The following KSR2 variants were observed in gnomAD, a reference collection of about 807,000 sequenced individuals.
KSR2 encodes kinase suppressor of ras 2.
Under a neutral mutation model 107.8 loss-of-function variants are expected in KSR2, and 25 were observed. The ratio of observed to expected loss-of-function variants is 0.23; its 90% CI spans 0.17 to 0.32. KSR2 has a LOEUF of 0.32. KSR2 is among the 10% of genes least tolerant of loss of function. The probability of loss-of-function intolerance (pLI) is 1.00; values close to 1 mark genes in which losing one functional copy is unlikely to be tolerated. For missense variants in KSR2, 887 were observed against 1,268.9 expected (o/e 0.70, Z 4.57); for synonymous variants, 480 against 507.0 (o/e 0.95, Z 0.71).
At chr12:117,857,539 A>T (rs1893143254) in intron 2 of KSR2, among the ~76,000 whole-genome samples, 2 of 152,226 alleles carry the variant, frequency 1.3e-5, no homozygotes, top group African/African-American at 4.8e-5. Flanking sequence ...ACATTTTTAT[A>T]ACATCAAAAA....
intron 4 of KSR2, among the ~76,000 whole-genome samples, chr12:117,687,472 G>A (rs1885620990): frequency 6.6e-6 from 1 of 152,096 alleles, no homozygotes; most frequent in African/African-American, 2.4e-5. Context: ...AACTTGTTAG[G>A]GTAGAAAATT....
chr12:117,812,551 A>G (rs189851288), intron 3 of KSR2, among the ~76,000 whole-genome samples: 123 of 152,280 alleles, frequency 8.1e-4, no homozygotes, highest in Non-Finnish European at 1.2e-3. Context: ...TCAGATAGTA[A>G]ATGGTCCTGT....
chr12:117,784,072 T>G (rs932506213), intron 3 of KSR2, among the ~76,000 whole-genome samples: 1 of 152,210 alleles, frequency 6.6e-6, no homozygotes, highest in African/African-American at 2.4e-5. Context: ...TACGGATTCA[T>G]GGGTACATGT....
chr12:117,901,118 G>T (rs1293735777), intron 1 of KSR2, among the ~76,000 whole-genome samples: 1 of 152,120 alleles, frequency 6.6e-6, no homozygotes, highest in African/African-American at 2.4e-5. Context: ...GTCATGGAAG[G>T]AGAGGAACCA....
chr12:117,612,397 C>T (rs1229264887), intron 5 of KSR2, among the ~76,000 whole-genome samples: 5 of 147,756 alleles, frequency 3.4e-5, no homozygotes, highest in Non-Finnish European at 7.4e-5. Context: ...AGCAAGTCTC[C>T]GTCTCAAAAA....
At chr12:117,657,252 C>A (rs59064177) in intron 5 of KSR2, among the ~76,000 whole-genome samples, 5,806 of 151,722 alleles carry the variant, frequency 0.038, 248 homozygotes, top group East Asian at 0.23. Context: ...ACTGCTGGGG[C>A]CATCTTGTCA....
intron 14 of KSR2, among the ~76,000 whole-genome samples, chr12:117,519,349 C>T (rs1019082014): frequency 3.3e-4 from 50 of 152,158 alleles, no homozygotes; most frequent in African/African-American, 1.2e-3. Context: ...AGCAGCAGGT[C>T]TCACAATTGA....
intron 5 of KSR2, among the ~76,000 whole-genome samples, chr12:117,656,563 A>G (rs6490142): frequency 0.91 from 139,026 of 152,252 alleles, 63,683 homozygotes; most frequent in East Asian, 0.99. Flanking sequence ...GTGGTTAGCC[A>G]AGATCGTGCC....
At chr12:117,613,205 T>C (rs1881700050) in intron 5 of KSR2, among the ~76,000 whole-genome samples, 1 of 152,250 alleles carries the variant, frequency 6.6e-6, no homozygotes, top group Non-Finnish European at 1.5e-5. Flanking sequence ...GGGCTGTAAT[T>C]CCACGTAACC....
intron 3 of KSR2, among the ~76,000 whole-genome samples, chr12:117,804,366 A>G (rs1160437964): frequency 6.6e-6 from 1 of 152,138 alleles, no homozygotes; most frequent in Non-Finnish European, 1.5e-5. Flanking sequence ...ACCTGATTTC[A>G]CACTACAATG....
At chr12:117,661,246 C>T (rs1426153073) in intron 5 of KSR2, among the ~76,000 whole-genome samples, 2 of 149,816 alleles carry the variant, frequency 1.3e-5, no homozygotes, top group African/African-American at 4.9e-5. Flanking sequence ...AATATGTGAC[C>T]TCAGATTCGA....
chr12:117,605,304 A>C (rs1881165461), intron 5 of KSR2, among the ~76,000 whole-genome samples: 1 of 152,214 alleles, frequency 6.6e-6, no homozygotes, highest in African/African-American at 2.4e-5. Flanking sequence ...AGGCTCCTCC[A>C]ATGTTGCTGC....
At chr12:117,526,739 C>T (rs1241344575) in intron 13 of KSR2, among the ~76,000 whole-genome samples, 1 of 152,212 alleles carries the variant, frequency 6.6e-6, no homozygotes, top group Non-Finnish European at 1.5e-5. Flanking sequence ...AGGCCCCCAC[C>T]TCTTCCCACA....
intron 5 of KSR2, among the ~76,000 whole-genome samples, chr12:117,615,247 AC>A (rs1881810273): frequency 1.3e-5 from 1 of 76,956 alleles, no homozygotes; most frequent in South Asian, 4.0e-4. Flanking sequence ...ACACACACAC[AC>A]ACACACACAT....
chr12:117,459,362 G>A lies in KSR2; in HGVS notation c.*7837C>T, dbSNP rs1197562534. ...GCCTCAGATCCTGCTTCTGTGAAAG[G>A]AGAAGAGTGAGATAAGGGAGGGTCA... On this transcript the variant is annotated 3_prime_UTR_variant, in exon 20 of 20. Transcript: ENST00000339824. 2 of 152,044 alleles carry A rather than the reference G, an allele frequency of 1.3e-5. No homozygotes were observed. The highest frequency in any genetic ancestry group is 2.9e-5 in the Non-Finnish European group (2 of 68,018). The allele number at this position is 152,044 out of a possible 1,614,324, so 9.4% of individuals were successfully genotyped here.
intron 5 of KSR2, among the ~76,000 whole-genome samples, chr12:117,614,264 T>C (rs1881756851): frequency 6.6e-6 from 1 of 152,214 alleles, no homozygotes; most frequent in Non-Finnish European, 1.5e-5. Flanking sequence ...TAAGTGGACA[T>C]ATTCTGGTGG....
At chr12:117,855,674 A>C in intron 2 of KSR2, 96 bp from the exon 3 acceptor site, 1 of 1,263,836 alleles carries the variant, frequency 7.9e-7, no homozygotes, top group Non-Finnish European at 1.1e-6. Flanking sequence ...AACACTCCGC[A>C]GTGTAAACGC....
intron 1 of KSR2, among the ~76,000 whole-genome samples, chr12:117,913,172 G>A (rs1895074405): frequency 6.6e-6 from 1 of 152,118 alleles, no homozygotes; most frequent in Admixed American, 6.5e-5. Flanking sequence ...CCCCAGAAGA[G>A]AAATCTCCTG....
intron 4 of KSR2, among the ~76,000 whole-genome samples, chr12:117,707,888 T>C (rs966063633): frequency 1.3e-5 from 2 of 152,190 alleles, no homozygotes; most frequent in Non-Finnish European, 2.9e-5. Flanking sequence ...TGATCTCTGG[T>C]AGTATTTCCC....
Sources: allele counts gnomAD v4.1 joint callset (sites outside exome capture counted in the v4.1 genomes callset), GRCh38; gene constraint gnomAD v4.1.1; transcripts MANE v1.5; gene names NCBI Gene and HGNC (gene_info 2026-07-23, HGNC 2026-07-21).